The following MGAM2 variants were observed in gnomAD, a reference collection of about 807,000 sequenced individuals.
MGAM2 encodes the protein probable maltase-glucoamylase 2.
In MGAM2, 98 loss-of-function variants were observed where a neutral mutation model predicts 96.1. That is an observed-to-expected ratio of 1.02 (90% CI 0.87 to 1.21). MGAM2 has a LOEUF of 1.21. Ranked by LOEUF, MGAM2 falls within the 50% of genes most tolerant of loss-of-function variation. The pLI is 0.00. For synonymous variants in MGAM2, 749 were observed against 414.8 expected (o/e 1.81, Z -9.79); for missense variants, 2,055 against 1,182.4 (o/e 1.74, Z -10.82).
At chr7:142,186,408 T>G (rs1796700608) in intron 35 of MGAM2, among the ~76,000 whole-genome samples, 1 of 152,142 alleles carries the variant, frequency 6.6e-6, no homozygotes, top group Non-Finnish European at 1.5e-5. Context: ...ATCTCCAATC[T>G]CTTGCCAATA....
intron 37 of MGAM2, 41 bp from the exon 38 acceptor site, chr7:142,196,113 G>A: frequency 2.4e-6 from 2 of 825,934 alleles, no homozygotes; most frequent in Non-Finnish European, 4.1e-6. Flanking sequence ...CTGTAAAGGA[G>A]TTTGTTTCTT....
Position 142,116,923 on chromosome 7 carries a change from T to C in MGAM2, c.50T>C (p.Leu17Ser). Reference protein sequence around the residue: ...VLEVLLIIFCLIVVTIDILLL... With the variant: ...VLEVLLIIFCSIVVTIDILLL... Reference sequence around the variant, plus strand: ...GAAGTCCTTCTGATCATCTTCTGCTTAATTGTGGTGACCATAGATATCCTC... The same window carrying C: ...GAAGTCCTTCTGATCATCTTCTGCTCAATTGTGGTGACCATAGATATCCTC... The change falls in exon 2 of 48, where the codon TTA becomes TCA. Residue 17 changes from leucine to serine, a missense_variant. Leu to Ser is a moderately radical substitution (Grantham distance 145). Coordinates refer to ENST00000477922, the MANE Select transcript of MGAM2 (RefSeq NM_001293626.2). 1 of 703,518 alleles carries C rather than the reference T, an allele frequency of 1.4e-6. No homozygotes were observed. Among genetic ancestry groups the C allele is most frequent in the East Asian group, 2.7e-5 (1 of 37,272 alleles). 43.6% of individuals were successfully genotyped at this position (703,518 alleles called of 1,614,324 possible). A position where few individuals can be genotyped will look rare whatever the true frequency, so the allele number is the denominator to read the frequency against.
intron 23 of MGAM2, among the ~76,000 whole-genome samples, chr7:142,163,482 G>A (rs1490262205): frequency 2.0e-5 from 3 of 152,068 alleles, no homozygotes; most frequent in African/African-American, 4.8e-5. Flanking sequence ...AGGTTTCACC[G>A]TGTTGGTCAG....
chr7:142,142,645 G>A (rs1011291773), intron 12 of MGAM2, among the ~76,000 whole-genome samples: 1 of 150,510 alleles, frequency 6.6e-6, no homozygotes. Flanking sequence ...TGCCTCCCAG[G>A]TTCAAGCGAT....
chr7:142,128,739 C>T (rs1423940521), intron 3 of MGAM2, among the ~76,000 whole-genome samples: 2 of 152,202 alleles, frequency 1.3e-5, no homozygotes, highest in African/African-American at 4.8e-5. Flanking sequence ...GGAACCTCTA[C>T]CTAGATTTCA....
In MGAM2 at chr7:142,131,624, T is replaced by C; in HGVS notation, c.417T>C (p.Phe139=). The C allele has an allele frequency of 1.4e-6, 1 of 703,190 alleles. No individual in the cohort carries two copies. The highest frequency in any genetic ancestry group is 1.5e-5 in the South Asian group (1 of 67,590). The allele number at this position is 703,190 out of a possible 1,614,324, so 43.6% of individuals were successfully genotyped here. A position where few individuals can be genotyped will look rare whatever the true frequency, so the allele number is the denominator to read the frequency against. Residue 139 remains phenylalanine (F), a synonymous_variant, in exon 5 of 48, where the codon TTT becomes TTC. Transcript: ENST00000477922. Reference sequence around the variant, plus strand: ...ATCAGACATCCAATCGGTTTCATTTTAAGGTTGGTTTGGGAGTGACTGCTA... The same window carrying C: ...ATCAGACATCCAATCGGTTTCATTTCAAGGTTGGTTTGGGAGTGACTGCTA... The part of the protein sequence containing the change: ...AEYQTSNRFH[F]KITDFNNIRY...
intron 6 of MGAM2, 69 bp from the exon 7 acceptor site, chr7:142,133,912 G>T: frequency 1.6e-6 from 1 of 629,584 alleles, no homozygotes; most frequent in Non-Finnish European, 2.9e-6. Context: ...GTGGAAAGGA[G>T]AAGATAGCTT....
chr7:142,172,512 TC>T, intron 29 of MGAM2, 139 bp from the exon 30 acceptor site: 1 of 576,514 alleles, frequency 1.7e-6, no homozygotes. Context: ...CACCTCTGAT[TC>T]TAATGGATGA....
chr7:142,196,367 C>A, intron 38 of MGAM2, 80 bp downstream of exon 38: 1 of 658,078 alleles, frequency 1.5e-6, no homozygotes, highest in Non-Finnish European at 2.7e-6. Context: ...CTGGTTATGT[C>A]TCTATCATCA....
Position 142,172,687 on chromosome 7 carries a change from C to T in MGAM2, c.3484C>T (p.Arg1162Cys), listed in dbSNP as rs763834845. 1.7e-4 allele frequency: 119 copies of T among 704,984 alleles called. 1 individual carries two copies. The highest frequency in any genetic ancestry group is 6.8e-4 in the Middle Eastern group (3 of 4,384). 43.7% of individuals were successfully genotyped at this position (704,984 alleles called of 1,614,324 possible). A position where few individuals can be genotyped will look rare whatever the true frequency, so the allele number is the denominator to read the frequency against. ...ACAGCCCACTCCTGCTCTGACATAC[C>T]GCACCACAGGAGGGATTTTGGACTT... ...TLQPTPALTY[R>C]TTGGILDFYI... The change falls in exon 30 of 48, where the codon CGC (arginine) becomes TGC (cysteine). Residue 1162 changes from arginine to cysteine, a missense_variant. Coordinates refer to ENST00000477922, the MANE Select transcript of MGAM2 (RefSeq NM_001293626.2).
intron 16 of MGAM2, 69 bp downstream of exon 16, chr7:142,154,258 A>G (rs752023347): frequency 1.2e-5 from 6 of 515,192 alleles, no homozygotes; most frequent in Admixed American, 9.0e-5. Context: ...TAGCAGTCTT[A>G]GAGATTATCT....
intron 1 of MGAM2, among the ~76,000 whole-genome samples, chr7:142,115,566 C>T (rs186207263): frequency 6.6e-6 from 1 of 152,150 alleles, no homozygotes; most frequent in African/African-American, 2.4e-5. Context: ...GTAAGGCAGG[C>T]TGGGTGCTGT....
At chr7:142,193,677 T>A (rs1431196395) in intron 37 of MGAM2, among the ~76,000 whole-genome samples, 1 of 152,192 alleles carries the variant, frequency 6.6e-6, no homozygotes, top group Non-Finnish European at 1.5e-5. Flanking sequence ...TTCCAGATAT[T>A]TATGCATTTA....
chr7:142,177,509 T>C (rs900202890), intron 32 of MGAM2, among the ~76,000 whole-genome samples: 3 of 152,120 alleles, frequency 2.0e-5, no homozygotes, highest in Non-Finnish European at 4.4e-5. Flanking sequence ...TTTTCAACCC[T>C]TGCCCCACTC....
intron 27 of MGAM2, 140 bp downstream of exon 27, chr7:142,170,369 T>C (rs1272228503): frequency 4.1e-6 from 2 of 489,898 alleles, no homozygotes; most frequent in African/African-American, 2.0e-5. Context: ...ATTTTTCCCA[T>C]GCTTTAATGG....
chr7:142,166,168 T>C lies in MGAM2; in HGVS notation c.2723T>C (p.Val908Ala), dbSNP rs1160136816. 1 of 702,610 alleles carries C rather than the reference T, an allele frequency of 1.4e-6. No individual in the cohort carries two copies. The highest frequency in any genetic ancestry group is 2.6e-6 in the Non-Finnish European group (1 of 384,812). The allele number at this position is 702,610 out of a possible 1,614,324, so 43.5% of individuals were successfully genotyped here. ...QEFSIRWNLP[V>A]SDLEKFNCYP... ...TTCTCTATTAGGTGGAATCTTCCTG[T>C]CAGTGACCTGGAGAAGTTCAACTGC... The change falls in exon 25 of 48, where the codon GTC becomes GCC. Residue 908 changes from valine to alanine, a missense_variant. Val to Ala is a moderately conservative substitution (Grantham distance 64). Coordinates refer to ENST00000477922, the MANE Select transcript of MGAM2 (RefSeq NM_001293626.2).
chr7:142,222,201 C>A lies in MGAM2; in HGVS notation c.*142C>A, dbSNP rs1235377460. On this transcript the variant is annotated 3_prime_UTR_variant, in exon 48 of 48. Transcript: ENST00000477922. ...ATTAGTACTCTAGCCATAAAAGACA[C>A]AGCTACTCCAAACACTCTCGTCATT... The A allele has an allele frequency of 7.6e-6, 3 of 395,032 alleles. No homozygotes were observed. Among genetic ancestry groups the A allele is most frequent in the African/African-American group, 2.1e-5 (1 of 48,546 alleles). The allele number at this position is 395,032 out of a possible 1,614,324, so 24.5% of individuals were successfully genotyped here.
chr7:142,122,995 A>C (rs1794629152), intron 3 of MGAM2, among the ~76,000 whole-genome samples: 1 of 151,888 alleles, frequency 6.6e-6, no homozygotes, highest in Non-Finnish European at 1.5e-5. Flanking sequence ...ATGCCCAGCT[A>C]ATTTTTGTAT....
At chr7:142,184,271 C>A (rs1796630660) in intron 33 of MGAM2, among the ~76,000 whole-genome samples, 1 of 152,124 alleles carries the variant, frequency 6.6e-6, no homozygotes, top group Non-Finnish European at 1.5e-5. Flanking sequence ...CTGTGCCTGG[C>A]CCTGTGCTCA....
Sources: gnomAD v4.1 joint callset for allele counts (sites outside exome capture counted in the v4.1 genomes callset) on GRCh38, gnomAD v4.1.1 for gene constraint, MANE v1.5 for transcripts, NCBI Gene and HGNC (gene_info 2026-07-23, HGNC 2026-07-21) for gene names.